GRAMD2B: variants seen among roughly 807,000 people sequenced by gnomAD.
GRAMD2B encodes GRAM domain-containing protein 2B.
A neutral mutation model predicts 59.2 loss-of-function variants in GRAMD2B; 41 were observed. The ratio of observed to expected loss-of-function variants is 0.69; its 90% CI spans 0.54 to 0.90. The LOEUF (loss-of-function observed/expected upper bound fraction) is 0.90. Among genes scored for constraint, GRAMD2B ranks in the 40% least tolerant of loss-of-function variants. The probability of loss-of-function intolerance (pLI) is 0.00; values close to 1 mark genes in which losing one functional copy is unlikely to be tolerated. For synonymous variants in GRAMD2B, 161 were observed against 182.7 expected, an observed-to-expected ratio of 0.88 and a Z score of 0.96; for missense variants, 424 against 500.5, an observed-to-expected ratio of 0.85 and a Z score of 1.46.
intron 1 of GRAMD2B, chr5:126,434,103 A>G (rs1175391758): frequency 2.0e-5 from 3 of 152,224 alleles, no homozygotes. Context: ...TGACTATAAA[A>G]TAATAAGACT....
chr5:126,370,761 T>C (rs886297894), upstream of GRAMD2B, among the ~76,000 whole-genome samples: 4 of 152,208 alleles, frequency 2.6e-5, no homozygotes, highest in Non-Finnish European at 4.4e-5. Flanking sequence ...CGCTTCCTAC[T>C]GTTTGTTTGT....
chr5:126,429,803 C>T (rs1761265605), intron 1 of GRAMD2B, among the ~76,000 whole-genome samples: 1 of 152,204 alleles, frequency 6.6e-6, no homozygotes, highest in Admixed American at 6.5e-5. Flanking sequence ...TTGAATCTAA[C>T]CAGGTGTGTT....
chr5:126,475,918 G>A (rs967483918), intron 5 of GRAMD2B, among the ~76,000 whole-genome samples: 11 of 152,174 alleles, frequency 7.2e-5, no homozygotes, highest in African/African-American at 2.2e-4. Flanking sequence ...AGACCAGCCC[G>A]AACAACATAG....
At chr5:126,492,646 A>C (rs1438430821) in intron 13 of GRAMD2B, among the ~76,000 whole-genome samples, 3 of 152,108 alleles carry the variant, frequency 2.0e-5, no homozygotes, top group Non-Finnish European at 4.4e-5. Flanking sequence ...ACTTGAGCCC[A>C]GGAAGTCAGG....
At chr5:126,414,238 C>A (rs1335293348) in intron 1 of GRAMD2B, among the ~76,000 whole-genome samples, 1 of 152,094 alleles carries the variant, frequency 6.6e-6, no homozygotes, top group Non-Finnish European at 1.5e-5. Flanking sequence ...TTTTCAAAAT[C>A]TGGGGGCTTC....
chr5:126,379,539 C>T (rs558807690), intron 1 of GRAMD2B, among the ~76,000 whole-genome samples: 234 of 152,190 alleles, frequency 1.5e-3, no homozygotes, highest in Non-Finnish European at 2.9e-3. Flanking sequence ...AAAAGTGTTC[C>T]CTTTTCACCA....
chr5:126,450,106 G>A (rs1009332629), intron 1 of GRAMD2B, among the ~76,000 whole-genome samples: 3 of 151,888 alleles, frequency 2.0e-5, no homozygotes, highest in Non-Finnish European at 4.4e-5. Context: ...TACAGGAAAT[G>A]AAGGGTATAG....
At chr5:126,431,554 A>C (rs1666972200) in intron 1 of GRAMD2B, among the ~76,000 whole-genome samples, 2 of 152,226 alleles carry the variant, frequency 1.3e-5, no homozygotes, top group African/African-American at 4.8e-5. Flanking sequence ...GATCCTAGAC[A>C]GACCCCCTAA....
At chr5:126,472,372 A>G (rs904877513) in intron 4 of GRAMD2B, 68 bp downstream of exon 4, 31 of 1,271,386 alleles carry the variant, frequency 2.4e-5, no homozygotes, top group South Asian at 4.8e-5. Context: ...TTTGGGGAAG[A>G]AAAAGGGCAT....
At chr5:126,361,893 A>C (rs1754236464) in intron 1 of GRAMD2B, among the ~76,000 whole-genome samples, 1 of 152,110 alleles carries the variant, frequency 6.6e-6, no homozygotes, top group Admixed American at 6.6e-5. Context: ...GGGACATGAG[A>C]CCAGTTCGAT....
At chr5:126,481,488 C>A (rs902235594) in intron 8 of GRAMD2B, among the ~76,000 whole-genome samples, 1 of 151,876 alleles carries the variant, frequency 6.6e-6, no homozygotes, top group Non-Finnish European at 1.5e-5. Flanking sequence ...TCCCACAAAT[C>A]TTTTTTTTGA....
At chr5:126,434,932 G>A (rs2149811675) in intron 1 of GRAMD2B, among the ~76,000 whole-genome samples, 1 of 152,284 alleles carries the variant, frequency 6.6e-6, no homozygotes, top group East Asian at 1.9e-4. Context: ...CTATGGACAA[G>A]CATATTCTCC....
chr5:126,365,428 T>C (rs1561451322), intron 1 of GRAMD2B, among the ~76,000 whole-genome samples: 2 of 152,250 alleles, frequency 1.3e-5, no homozygotes, highest in Admixed American at 1.3e-4. Context: ...ATAACCACTA[T>C]GCAATTTGAC....
At chr5:126,434,642 C>T (rs953377746) in intron 1 of GRAMD2B, among the ~76,000 whole-genome samples, 3 of 152,026 alleles carry the variant, frequency 2.0e-5, no homozygotes, top group Non-Finnish European at 4.4e-5. Context: ...CTCAGCCTCC[C>T]GAGTAGCTGG....
At chr5:126,440,315 A>G (rs1561525046) in intron 1 of GRAMD2B, among the ~76,000 whole-genome samples, 1 of 152,220 alleles carries the variant, frequency 6.6e-6, no homozygotes, top group Non-Finnish European at 1.5e-5. Context: ...AACTCCAAAC[A>G]AAATCTCAGT....
At chr5:126,375,088 A>G (rs930275194) in intron 1 of GRAMD2B, among the ~76,000 whole-genome samples, 2 of 152,224 alleles carry the variant, frequency 1.3e-5, no homozygotes, top group Non-Finnish European at 2.9e-5. Context: ...ATGTCCTTCA[A>G]TAAAGTTTTA....
At chr5:126,488,992 C>A in intron 13 of GRAMD2B, 100 bp downstream of exon 13, 1 of 671,034 alleles carries the variant, frequency 1.5e-6, no homozygotes, top group Non-Finnish European at 2.6e-6. Flanking sequence ...CGTTAGTGTG[C>A]CGCAATAAAC....
At chr5:126,450,182 G>A (rs935945528) in intron 1 of GRAMD2B, among the ~76,000 whole-genome samples, 2 of 152,098 alleles carry the variant, frequency 1.3e-5, no homozygotes, top group African/African-American at 4.8e-5. Context: ...TCTTTCAGGG[G>A]CTTAGCTGAG....
upstream of GRAMD2B, among the ~76,000 whole-genome samples, chr5:126,419,246 G>A (rs886252756): frequency 1.3e-5 from 2 of 152,022 alleles, no homozygotes; most frequent in African/African-American, 2.4e-5. Context: ...GAGGCCTCAG[G>A]AAACTTACAA....
Sources: allele counts gnomAD v4.1 joint callset (sites outside exome capture counted in the v4.1 genomes callset), GRCh38; gene constraint gnomAD v4.1.1; transcripts MANE v1.5; gene names NCBI Gene and HGNC (gene_info 2026-07-23, HGNC 2026-07-21).